PDE4D: variants seen among roughly 807,000 people sequenced by gnomAD.
The protein encoded by PDE4D is 3',5'-cyclic-AMP phosphodiesterase 4D.
In PDE4D, 24 loss-of-function variants were observed where a neutral mutation model predicts 87.4. That is an observed-to-expected ratio of 0.27 (90% CI 0.20 to 0.39). The LOEUF (loss-of-function observed/expected upper bound fraction) is 0.39. Ranked by LOEUF, PDE4D falls within the 10% of genes least tolerant of loss-of-function variation. The probability of loss-of-function intolerance (pLI) is 1.00; values close to 1 mark genes in which losing one functional copy is unlikely to be tolerated. For missense variants in PDE4D, 714 were observed against 1,041.0 expected (o/e 0.69, Z 4.32); for synonymous variants, 384 against 383.2 (o/e 1.00, Z -0.02).
At chr5:59,577,857 TTTTA>T (rs1273291826) in intron 1 of PDE4D, among the ~76,000 whole-genome samples, 5 of 152,274 alleles carry the variant, frequency 3.3e-5, no homozygotes, top group African/African-American at 1.2e-4. Flanking sequence ...AACTTACATA[TTTTA>T]TTTGTCATTT....
intron 2 of PDE4D, among the ~76,000 whole-genome samples, chr5:60,001,195 C>G (rs1183477304): frequency 2.0e-5 from 3 of 152,082 alleles, no homozygotes; most frequent in Non-Finnish European, 4.4e-5. Flanking sequence ...GGGAACCACG[C>G]CTATCTGCAT....
intron 2 of PDE4D, among the ~76,000 whole-genome samples, chr5:60,001,453 G>A (rs986729595): frequency 6.6e-6 from 1 of 152,138 alleles, no homozygotes; most frequent in Non-Finnish European, 1.5e-5. Flanking sequence ...AACAAAAACT[G>A]AGGATGTTCA....
intron 2 of PDE4D, among the ~76,000 whole-genome samples, chr5:60,182,510 T>C (rs1228557597): frequency 6.6e-6 from 1 of 152,170 alleles, no homozygotes; most frequent in Non-Finnish European, 1.5e-5. Context: ...CGCATGCCTC[T>C]AATCCCAGCT....
chr5:59,501,882 T>C (rs148246811), intron 1 of PDE4D, among the ~76,000 whole-genome samples: 136 of 152,264 alleles, frequency 8.9e-4, no homozygotes, highest in Non-Finnish European at 9.3e-4. Context: ...CTAAATTTAA[T>C]GGGTAAATTT....
At chr5:60,268,263 G>A (rs1012895164) in intron 1 of PDE4D, among the ~76,000 whole-genome samples, 34 of 152,334 alleles carry the variant, frequency 2.2e-4, no homozygotes, top group African/African-American at 7.7e-4. Flanking sequence ...GAGAGGAAAT[G>A]TTTAAGAAAG....
chr5:59,664,119 T>G (rs1161231087), intron 1 of PDE4D, among the ~76,000 whole-genome samples: 2 of 152,202 alleles, frequency 1.3e-5, no homozygotes, highest in Non-Finnish European at 2.9e-5. Context: ...ATCAACATTT[T>G]ATTCTTTTTT....
intron 1 of PDE4D, chr5:59,587,050 A>AT: frequency 1.1e-6 from 1 of 943,750 alleles, no homozygotes; most frequent in African/African-American, 1.8e-5. Context: ...GGCAATGAGT[A>AT]ATTTCTGCTC....
At chr5:60,305,787 C>T (rs895868690) in intron 1 of PDE4D, among the ~76,000 whole-genome samples, 7 of 150,348 alleles carry the variant, frequency 4.7e-5, no homozygotes, top group Non-Finnish European at 1.0e-4. Flanking sequence ...CTACATATTA[C>T]AATGTGTGTG....
intron 1 of PDE4D, among the ~76,000 whole-genome samples, chr5:60,197,508 G>C (rs925611969): frequency 6.6e-6 from 1 of 151,516 alleles, no homozygotes. Context: ...AAATAAACCA[G>C]AGTTAAAGTA....
intron 1 of PDE4D, among the ~76,000 whole-genome samples, chr5:59,861,291 AT>A (rs949533201): frequency 6.6e-6 from 1 of 151,998 alleles, no homozygotes. Context: ...AATAAGCCTA[AT>A]TTTTTTTAAC....
intron 1 of PDE4D, chr5:60,459,784 G>T: frequency 2.0e-6 from 1 of 493,638 alleles, no homozygotes; most frequent in Non-Finnish European, 3.8e-6. Flanking sequence ...GAAAAGACTG[G>T]AACTTGCTCC....
At chr5:60,478,793 T>C (rs548337233) in intron 1 of PDE4D, among the ~76,000 whole-genome samples, 1 of 152,360 alleles carries the variant, frequency 6.6e-6, no homozygotes, top group South Asian at 2.1e-4. Flanking sequence ...TCCTTCATGC[T>C]TGCAGACTCA....
At chr5:59,978,869 C>A (rs1761621950) in intron 3 of PDE4D, among the ~76,000 whole-genome samples, 1 of 152,286 alleles carries the variant, frequency 6.6e-6, no homozygotes, top group Middle Eastern at 3.4e-3. Flanking sequence ...GACTCTCCAC[C>A]AGCAAAATGT....
chr5:60,482,816 GATTTT>G (rs753862182), intron 1 of PDE4D, among the ~76,000 whole-genome samples: 38 of 152,104 alleles, frequency 2.5e-4, no homozygotes, highest in Non-Finnish European at 4.1e-4. Context: ...GTTGATTTTA[GATTTT>G]ATAACATAAT....
intron 1 of PDE4D, among the ~76,000 whole-genome samples, chr5:60,438,496 T>A (rs932439064): frequency 1.3e-5 from 2 of 152,154 alleles, no homozygotes; most frequent in Admixed American, 1.3e-4. Flanking sequence ...GTGTATTTTG[T>A]TCATTGACTG....
At chr5:60,172,300 A>ACACACAC (rs1554175623) in intron 2 of PDE4D, among the ~76,000 whole-genome samples, 1 of 150,876 alleles carries the variant, frequency 6.6e-6, no homozygotes, top group African/African-American at 2.4e-5. Context: ...ACACACACAC[A>ACACACAC]AATATGCAAA....
intron 2 of PDE4D, among the ~76,000 whole-genome samples, chr5:60,029,417 C>A (rs2152858362): frequency 6.6e-6 from 1 of 152,328 alleles, no homozygotes; most frequent in South Asian, 2.1e-4. Context: ...TTATCTGTGA[C>A]CTGTAAGTTC....
chr5:59,870,378 A>G (rs1747645968), intron 1 of PDE4D, among the ~76,000 whole-genome samples: 1 of 152,258 alleles, frequency 6.6e-6, no homozygotes, highest in South Asian at 2.1e-4. Context: ...GGAAACATAT[A>G]TAAATGTAAC....
chr5:59,608,933 G>A (rs1481385416), intron 1 of PDE4D, among the ~76,000 whole-genome samples: 2 of 152,110 alleles, frequency 1.3e-5, no homozygotes, highest in African/African-American at 2.4e-5. Context: ...GGGGATACAA[G>A]CTATAATACT....
Sources: allele counts gnomAD v4.1 joint callset (sites outside exome capture counted in the v4.1 genomes callset), GRCh38; gene constraint gnomAD v4.1.1; transcripts MANE v1.5; gene names NCBI Gene and HGNC (gene_info 2026-07-23, HGNC 2026-07-21).